Variants in CLSTN1 observed in about 807,000 individuals in gnomAD.
CLSTN1 encodes calsyntenin-1.
A neutral mutation model predicts 108.3 loss-of-function variants in CLSTN1; 28 were observed. The ratio of observed to expected loss-of-function variants is 0.26; its 90% CI spans 0.19 to 0.35. CLSTN1 has a LOEUF of 0.35. Ranked by LOEUF, CLSTN1 falls within the 10% of genes least tolerant of loss-of-function variation. CLSTN1 has a pLI of 1.00. For synonymous variants in CLSTN1, 524 were observed against 534.9 expected, an observed-to-expected ratio of 0.98 and a Z score of 0.28; for missense variants, 1,157 against 1,302.6, an observed-to-expected ratio of 0.89 and a Z score of 1.72.
At position 9,776,862 on chromosome 1, in the gene CLSTN1, T is replaced by TTATCTATCATCTATCAGCATTTATC. The variant is rs1553179995; in HGVS notation, c.92-3469_92-3468insGATAAATGCTGATAGATGATAGATA. 6.1e-3 allele frequency among the ~76,000 whole-genome samples: 853 copies of TTATCTATCATCTATCAGCATTTATC among 139,936 alleles called. 18 individuals are homozygous for TTATCTATCATCTATCAGCATTTATC. The highest frequency in any genetic ancestry group is 0.023 in the African/African-American group (783 of 33,618). 91.8% of individuals were successfully genotyped at this position (139,936 alleles called of 152,430 possible). On this transcript the variant is annotated intron_variant, in intron 1 of 18. Transcript: ENST00000377298. Reference sequence around the variant, plus strand: ...GCATTTATCTATCATCTATCAGCATTTATCTATCTATCTATCTATCTATCT... The same window carrying TTATCTATCATCTATCAGCATTTATC: ...GCATTTATCTATCATCTATCAGCATTTATCTATCATCTATCAGCATTTATCTATCTATCTATCTATCTATCTATCT...
At chr1:9,756,868 C>T (rs923557812) in intron 2 of CLSTN1, among the ~76,000 whole-genome samples, 4 of 152,136 alleles carry the variant, frequency 2.6e-5, no homozygotes, top group Non-Finnish European at 4.4e-5. Flanking sequence ...GCAAGCTCCG[C>T]CTCCTGGGTT....
At position 9,823,744 on chromosome 1, in the gene CLSTN1, G is replaced by T; in HGVS notation, c.-11C>A. 9.6e-7 allele frequency: 1 copy of T among 1,041,764 alleles called. No individual in the cohort carries two copies. Among genetic ancestry groups the T allele is most frequent in the South Asian group, 4.4e-5 (1 of 22,554 alleles). The allele number at this position is 1,041,764 out of a possible 1,614,324, so 64.5% of individuals were successfully genotyped here. On this transcript the variant is annotated 5_prime_UTR_variant, in exon 1 of 19. Transcript: ENST00000377298. This position sits in a 1 kb window ranked among gnomAD's most constrained non-coding sequence, Gnocchi z 6.3. The stretch of plus-strand genomic sequence containing the variant: ...GGGGCGGCGCAGCATCGCCAGCCCG[G>T]GGCGGGAGCGGCAGGGAGGCGCGCG...
intron 7 of CLSTN1, among the ~76,000 whole-genome samples, chr1:9,746,762 A>C (rs1485921984): frequency 6.6e-6 from 1 of 151,748 alleles, no homozygotes; most frequent in Non-Finnish European, 1.5e-5. Context: ...GCTCCTGAAT[A>C]TGTGGGCTTG....
intron 2 of CLSTN1, among the ~76,000 whole-genome samples, chr1:9,763,533 G>A (rs1245828007): frequency 6.6e-6 from 1 of 152,146 alleles, no homozygotes; most frequent in African/African-American, 2.4e-5. Context: ...CCCATTGGGG[G>A]TTTGCAAACC....
chr1:9,737,369 T>G (rs765391550), intron 11 of CLSTN1, 129 bp downstream of exon 11: 1 of 810,354 alleles, frequency 1.2e-6, no homozygotes, highest in Admixed American at 1.9e-5. Context: ...GGAAGCGCAA[T>G]GCAGGGAAGC....
chr1:9,812,862 A>AC (rs1288424041), intron 1 of CLSTN1, among the ~76,000 whole-genome samples: 9 of 151,608 alleles, frequency 5.9e-5, no homozygotes, highest in African/African-American at 2.2e-4. Flanking sequence ...AAAAAAAAAA[A>AC]AAACAAACAA....
intron 7 of CLSTN1, among the ~76,000 whole-genome samples, chr1:9,747,106 G>A (rs1436757252): frequency 6.7e-6 from 1 of 148,952 alleles, no homozygotes; most frequent in Non-Finnish European, 1.5e-5. Flanking sequence ...CTTGAACCCA[G>A]GAGGCAGACG....
At chr1:9,813,261 G>A (rs1011176038) in intron 1 of CLSTN1, among the ~76,000 whole-genome samples, 1 of 152,110 alleles carries the variant, frequency 6.6e-6, no homozygotes, top group Non-Finnish European at 1.5e-5. Context: ...ACTTTGGGAG[G>A]CTGAGGCGGG....
intron 1 of CLSTN1, among the ~76,000 whole-genome samples, chr1:9,780,061 G>T (rs1570484068): frequency 1.3e-5 from 2 of 151,500 alleles, no homozygotes; most frequent in Non-Finnish European, 2.9e-5. Flanking sequence ...CACCATGTTG[G>T]CCAGGCTGGT....
At chr1:9,799,187 G>GA (rs1452102091) in intron 1 of CLSTN1, among the ~76,000 whole-genome samples, 1 of 150,368 alleles carries the variant, frequency 6.7e-6, no homozygotes, top group Non-Finnish European at 1.5e-5. Flanking sequence ...TCTCAAAAAA[G>GA]AAAAAAATAC....
chr1:9,783,436 T>C (rs1219896310), intron 1 of CLSTN1, among the ~76,000 whole-genome samples: 1 of 152,050 alleles, frequency 6.6e-6, no homozygotes, highest in Non-Finnish European at 1.5e-5. Flanking sequence ...TTTAAAAAAT[T>C]AGGCTGGACA....
At chr1:9,817,345 G>A (rs986069667) in intron 1 of CLSTN1, among the ~76,000 whole-genome samples, 1 of 151,662 alleles carries the variant, frequency 6.6e-6, no homozygotes, top group Non-Finnish European at 1.5e-5. Flanking sequence ...TTCTTTTTTT[G>A]AGACGGAGTT....
chr1:9,730,439 C>G lies in CLSTN1; in HGVS notation c.*69G>C. 2.1e-6 allele frequency: 3 copies of G among 1,452,886 alleles called. No homozygotes were observed. Among genetic ancestry groups the G allele is most frequent in the Non-Finnish European group, 2.9e-6 (3 of 1,048,818 alleles). The allele number at this position is 1,452,886 out of a possible 1,614,324, so 90.0% of individuals were successfully genotyped here. On this transcript the variant is annotated 3_prime_UTR_variant, in exon 19 of 19. Transcript: ENST00000377298. This position sits in a 1 kb window ranked among gnomAD's most constrained non-coding sequence, Gnocchi z 5.6. ...GAAATGACTTTGTACATCGTGGACCCTTGGGACTGGGAGAACGGATGGCAG... is the reference window on the plus strand; with the variant it reads ...GAAATGACTTTGTACATCGTGGACCGTTGGGACTGGGAGAACGGATGGCAG...
chr1:9,802,134 C>T (rs1381971638), intron 1 of CLSTN1, among the ~76,000 whole-genome samples: 2 of 152,096 alleles, frequency 1.3e-5, no homozygotes, highest in Non-Finnish European at 2.9e-5. Flanking sequence ...GCTAATGAGC[C>T]GCAGACTTGG....
chr1:9,761,217 G>A (rs1209508299), intron 2 of CLSTN1, among the ~76,000 whole-genome samples: 1 of 152,176 alleles, frequency 6.6e-6, no homozygotes, highest in Non-Finnish European at 1.5e-5. Flanking sequence ...TGAGGAGCAG[G>A]CCTGGTAGGT....
intron 9 of CLSTN1, among the ~76,000 whole-genome samples, chr1:9,743,176 T>C (rs531006418): frequency 7.5e-4 from 114 of 152,328 alleles, no homozygotes; most frequent in African/African-American, 2.6e-3. Flanking sequence ...TCTATTCTGA[T>C]TTTAATAGAG....
At chr1:9,735,361 C>A in intron 13 of CLSTN1, 106 bp downstream of exon 13, 1 of 1,500,810 alleles carries the variant, frequency 6.7e-7, no homozygotes. Context: ...TCTGGTTACA[C>A]ACGATGGCTC....
At chr1:9,773,194 C>T (rs1652772523) in intron 2 of CLSTN1, 78 bp downstream of exon 2, 3 of 1,584,540 alleles carry the variant, frequency 1.9e-6, no homozygotes, top group Non-Finnish European at 1.7e-6. Flanking sequence ...AAACGCTCAG[C>T]ATTACCCAAA....
intron 2 of CLSTN1, among the ~76,000 whole-genome samples, chr1:9,771,862 A>G (rs1391312658): frequency 6.6e-6 from 1 of 152,214 alleles, no homozygotes; most frequent in African/African-American, 2.4e-5. Context: ...TATTTTTCAA[A>G]TAGTTCTTCA....
Sources: gnomAD v4.1 joint callset for allele counts (sites outside exome capture counted in the v4.1 genomes callset) on GRCh38, gnomAD v4.1.1 for gene constraint, Gnocchi (gnomAD v3.1) non-coding constraint, MANE v1.5 for transcripts, NCBI Gene and HGNC (gene_info 2026-07-23, HGNC 2026-07-21) for gene names.